The following CEP112 variants were observed in gnomAD, a reference collection of about 807,000 sequenced individuals.
The protein encoded by CEP112 is centrosomal protein 112.
CEP112 carries 127 observed loss-of-function variants against 153.0 expected under a neutral mutation model. That is an observed-to-expected ratio of 0.83 (90% CI 0.72 to 0.96). The LOEUF (loss-of-function observed/expected upper bound fraction) is 0.96. Ranked by LOEUF, CEP112 falls within the 40% of genes least tolerant of loss-of-function variation. The pLI, the probability that CEP112 is intolerant of heterozygous loss-of-function variation, is 0.00. For missense variants in CEP112, 1,089 were observed against 1,101.2 expected (o/e 0.99, Z 0.16); for synonymous variants, 358 against 374.4 (o/e 0.96, Z 0.51).
chr17:65,695,732 G>A (rs1188355389), intron 23 of CEP112, among the ~76,000 whole-genome samples: 2 of 152,278 alleles, frequency 1.3e-5, no homozygotes, highest in East Asian at 3.9e-4. Flanking sequence ...AACAGAGAGA[G>A]GCTTTCAGAT....
At chr17:66,149,673 TTTAG>T (rs1427633302) in intron 4 of CEP112, among the ~76,000 whole-genome samples, 3 of 152,042 alleles carry the variant, frequency 2.0e-5, no homozygotes, top group Non-Finnish European at 2.9e-5. Context: ...TCTCTCTGAT[TTTAG>T]TTAATGAGTC....
intron 21 of CEP112, among the ~76,000 whole-genome samples, chr17:65,800,502 A>G (rs927630220): frequency 6.6e-6 from 1 of 152,126 alleles, no homozygotes; most frequent in Admixed American, 6.6e-5. Flanking sequence ...TTGTTTACCT[A>G]TCCATCAGTG....
chr17:65,728,660 T>C (rs537332420), intron 23 of CEP112, among the ~76,000 whole-genome samples: 1 of 152,334 alleles, frequency 6.6e-6, no homozygotes, highest in Admixed American at 6.5e-5. Flanking sequence ...GTAACATTAC[T>C]GTATCATTAC....
At chr17:65,825,688 CTT>C (rs1042020153) in intron 21 of CEP112, among the ~76,000 whole-genome samples, 5 of 152,028 alleles carry the variant, frequency 3.3e-5, no homozygotes, top group Middle Eastern at 3.4e-3. Flanking sequence ...GTTATCATAA[CTT>C]AAAATTAATT....
chr17:66,189,472 C>T (rs980197707), intron 1 of CEP112, among the ~76,000 whole-genome samples: 2 of 143,790 alleles, frequency 1.4e-5, no homozygotes, highest in Non-Finnish European at 3.0e-5. Context: ...CCACTGCACT[C>T]AACCTGTGTG....
Position 65,977,615 on chromosome 17 carries a change from G to A in CEP112, c.1737-16017C>T, listed in dbSNP as rs78328886. On this transcript the variant is annotated intron_variant, in intron 17 of 26. Coordinates refer to ENST00000535342, the MANE Select transcript of CEP112 (RefSeq NM_001199165.4). ...CATGGTGGGCAGCAGTCAGAGCTGT[G>A]GGCAGGGCAGATTCCCCAATGTGGG... Among the ~76,000 whole-genome samples the A allele has an allele frequency of 2.3e-3, 345 of 152,246 alleles. 1 individual carries two copies. The highest frequency in any genetic ancestry group is 7.8e-3 in the African/African-American group (325 of 41,560).
At chr17:65,926,048 T>C (rs1481388873) in intron 19 of CEP112, among the ~76,000 whole-genome samples, 1 of 152,160 alleles carries the variant, frequency 6.6e-6, no homozygotes, top group Non-Finnish European at 1.5e-5. Context: ...AAAATAAAAC[T>C]TTGTATTACT....
intron 17 of CEP112, among the ~76,000 whole-genome samples, chr17:65,982,176 C>T (rs2063251947): frequency 6.6e-6 from 1 of 151,928 alleles, no homozygotes; most frequent in Non-Finnish European, 1.5e-5. Context: ...ATGGGGTATC[C>T]ATCACCTCAA....
intron 19 of CEP112, among the ~76,000 whole-genome samples, chr17:65,918,899 G>A (rs2144010904): frequency 6.6e-6 from 1 of 152,302 alleles, no homozygotes; most frequent in African/African-American, 2.4e-5. Flanking sequence ...ACAGTTCCTG[G>A]CACGGTGCTT....
At chr17:65,803,012 G>A (rs909033739) in intron 21 of CEP112, among the ~76,000 whole-genome samples, 3 of 152,218 alleles carry the variant, frequency 2.0e-5, no homozygotes, top group Non-Finnish European at 4.4e-5. Flanking sequence ...AAGGTGATAT[G>A]AATTCCACCT....
chr17:65,898,296 A>ATT (rs944291239), intron 20 of CEP112, among the ~76,000 whole-genome samples: 1 of 152,146 alleles, frequency 6.6e-6, no homozygotes, highest in African/African-American at 2.4e-5. Flanking sequence ...ATGATAGCCA[A>ATT]TGTTCAAGCC....
chr17:66,182,257 T>C (rs1253423981), intron 2 of CEP112: 1 of 152,252 alleles, frequency 6.6e-6, no homozygotes, highest in Admixed American at 6.5e-5. Flanking sequence ...CTATTGCTGT[T>C]AATCTCATAC....
intron 20 of CEP112, among the ~76,000 whole-genome samples, chr17:65,897,231 A>C (rs939420520): frequency 2.0e-5 from 3 of 152,112 alleles, no homozygotes; most frequent in Non-Finnish European, 4.4e-5. Flanking sequence ...TTTTCCAAGC[A>C]ATCAGTCCAG....
In CEP112 at chr17:65,930,831, A is replaced by C. The variant is rs529315320; in HGVS notation, c.1873-3142T>G. On this transcript the variant is annotated intron_variant, in intron 18 of 26. Coordinates refer to ENST00000535342, the MANE Select transcript of CEP112 (RefSeq NM_001199165.4). Reference sequence around the variant, plus strand: ...TTCTTGACTCTAGGGCCTTTTGCCCATCATACTATCAGTAGGTCTTTTCAT... The same window carrying C: ...TTCTTGACTCTAGGGCCTTTTGCCCCTCATACTATCAGTAGGTCTTTTCAT... Among the ~76,000 whole-genome samples the C allele has an allele frequency of 9.3e-5, 14 of 150,446 alleles. No homozygotes were observed. The East Asian group carries it at 2.9e-3, about 31-fold the overall frequency.
At chr17:66,028,611 TTAAA>T (rs2065326612) in intron 14 of CEP112, among the ~76,000 whole-genome samples, 1 of 151,924 alleles carries the variant, frequency 6.6e-6, no homozygotes, top group Non-Finnish European at 1.5e-5. Flanking sequence ...CAGCATAGTA[TTAAA>T]TATTATGAAA....
chr17:66,013,553 C>T (rs577538104), intron 16 of CEP112, among the ~76,000 whole-genome samples: 7 of 151,612 alleles, frequency 4.6e-5, no homozygotes, highest in South Asian at 2.1e-4. Context: ...GGGCTGGTAT[C>T]GGGTCACTGG....
chr17:66,023,404 TG>T (rs1317400339), intron 16 of CEP112, among the ~76,000 whole-genome samples: 1 of 152,086 alleles, frequency 6.6e-6, no homozygotes, highest in Non-Finnish European at 1.5e-5. Flanking sequence ...CAGAAGAGAT[TG>T]GGATCCGATC....
chr17:65,901,631 G>C (rs2059853801), intron 20 of CEP112, among the ~76,000 whole-genome samples: 1 of 152,088 alleles, frequency 6.6e-6, no homozygotes, highest in Admixed American at 6.6e-5. Context: ...AAAAGCAACA[G>C]ACCTGATGGG....
intron 4 of CEP112, 48 bp downstream of exon 4, chr17:66,174,996 A>G: frequency 7.6e-7 from 1 of 1,324,458 alleles, no homozygotes; most frequent in Non-Finnish European, 1.0e-6. Flanking sequence ...AGTTCCAAAG[A>G]CAGACTAAAT....
Sources: gnomAD v4.1 joint callset for allele counts (sites outside exome capture counted in the v4.1 genomes callset) on GRCh38, gnomAD v4.1.1 for gene constraint, MANE v1.5 for transcripts, NCBI Gene and HGNC (gene_info 2026-07-23, HGNC 2026-07-21) for gene names.